FHIP2A: variants seen among roughly 807,000 people sequenced by gnomAD.
The protein encoded by FHIP2A is FHF complex subunit HOOK interacting protein 2A, also known as family with sequence similarity 160 member B1.
FHIP2A carries 46 observed loss-of-function variants against 93.5 expected under a neutral mutation model. The observed-to-expected ratio is 0.49, with a 90% CI of 0.39 to 0.63. The LOEUF is 0.63. FHIP2A is among the 20% of genes least tolerant of loss of function. The pLI is 0.00. For missense variants in FHIP2A, 769 were observed against 909.7 expected (o/e 0.85, Z 1.99); for synonymous variants, 332 against 326.5 (o/e 1.02, Z -0.18).
chr10:114,884,639 G>A (rs543870819), intron 16 of FHIP2A, among the ~76,000 whole-genome samples: 20 of 152,238 alleles, frequency 1.3e-4, no homozygotes, highest in Middle Eastern at 3.4e-3. Context: ...ATGGCCGGGC[G>A]CGGTGGCTCA....
intron 1 of FHIP2A, among the ~76,000 whole-genome samples, chr10:114,823,275 G>C (rs1375656807): frequency 6.6e-6 from 1 of 152,148 alleles, no homozygotes; most frequent in East Asian, 1.9e-4. Context: ...TCTAGGGCAA[G>C]CTCTTGGGAA....
intron 16 of FHIP2A, among the ~76,000 whole-genome samples, chr10:114,897,470 G>T (rs1293722647): frequency 6.6e-6 from 1 of 151,856 alleles, no homozygotes; most frequent in Non-Finnish European, 1.5e-5. Flanking sequence ...ACGGCACTGG[G>T]GCACAAGCAT....
At chr10:114,882,386 A>G (rs1256817570) in intron 16 of FHIP2A, among the ~76,000 whole-genome samples, 1 of 152,192 alleles carries the variant, frequency 6.6e-6, no homozygotes, top group Non-Finnish European at 1.5e-5. Context: ...ATATATCCCA[A>G]TGCTCACCTA....
chr10:114,845,903 T>A (rs74158079), intron 8 of FHIP2A, 110 bp from the exon 9 acceptor site: 11,119 of 832,426 alleles, frequency 0.013, 470 homozygotes, highest in African/African-American at 0.12. Context: ...ATTAGGCAAG[T>A]TTTGTCTTTC....
At chr10:114,856,148 G>A (rs1179532930) in intron 14 of FHIP2A, among the ~76,000 whole-genome samples, 1 of 152,174 alleles carries the variant, frequency 6.6e-6, no homozygotes, top group Non-Finnish European at 1.5e-5. Context: ...TGAGCATAGG[G>A]AGTTGTAAAA....
In FHIP2A at chr10:114,828,545, C is replaced by T. The variant is rs373996821; in HGVS notation, c.46-2307C>T. ...ATGCACTTAACTGTATAAAGGTAGTCTATAGAAGTCAGGTCCAAAAAAATT... is the reference window on the plus strand; with the variant it reads ...ATGCACTTAACTGTATAAAGGTAGTTTATAGAAGTCAGGTCCAAAAAAATT... On this transcript the variant is annotated intron_variant, in intron 1 of 16. Transcript: ENST00000369248. Among the ~76,000 whole-genome samples, 4 of 152,262 alleles carry T rather than the reference C, an allele frequency of 2.6e-5. No individual in the cohort carries two copies. In the East Asian group the frequency reaches 7.7e-4, roughly 29 times the overall value.
intron 16 of FHIP2A, among the ~76,000 whole-genome samples, chr10:114,875,795 GAAAA>G (rs1475918252): frequency 7.1e-6 from 1 of 141,226 alleles, no homozygotes; most frequent in Non-Finnish European, 1.5e-5. Flanking sequence ...GAAATAGAAA[GAAAA>G]AGAACAGAAA....
At position 114,863,253 on chromosome 10, in the gene FHIP2A, T is replaced by A; in HGVS notation, c.*1713T>A. Reference sequence around the variant, plus strand: ...TGTGAAGGCATTCAGTTTGCTGTATTTTTTTAATCACTTCATACAAGGAAA... The same window carrying A: ...TGTGAAGGCATTCAGTTTGCTGTATATTTTTAATCACTTCATACAAGGAAA... On this transcript the variant is annotated 3_prime_UTR_variant, in exon 17 of 17. Transcript: ENST00000369248. 1 of 984,034 alleles carries A rather than the reference T, an allele frequency of 1.0e-6. No homozygotes were observed. Among genetic ancestry groups the A allele is most frequent in the African/African-American group, 1.7e-5 (1 of 57,302 alleles). 61.0% of individuals were successfully genotyped at this position (984,034 alleles called of 1,614,324 possible).
Position 114,851,714 on chromosome 10 carries a change from CAA to C in FHIP2A, c.1803+2998_1803+2999del, listed in dbSNP as rs60649106. ...TTTAGGATTACTTTGTCCATTTCTG[CAA>C]AAAAAAAAAAAAAAAAAAAAGCAAT... On this transcript the variant is annotated intron_variant, in intron 13 of 16. Transcript: ENST00000369248. Among the ~76,000 whole-genome samples the C allele has an allele frequency of 2.4e-3, 196 of 81,928 alleles. 1 individual carries two copies. The highest frequency in any genetic ancestry group is 2.6e-3 in the African/African-American group (54 of 20,588). 53.7% of individuals were successfully genotyped at this position (81,928 alleles called of 152,430 possible).
At chr10:114,867,880 C>T (rs563104845), downstream of FHIP2A, among the ~76,000 whole-genome samples, 1 of 151,944 alleles carries the variant, frequency 6.6e-6, no homozygotes, top group East Asian at 1.9e-4. Flanking sequence ...GAGGTGGCTT[C>T]AAGGAATTAC....
Position 114,833,377 on chromosome 10 carries a change from CATT to C in FHIP2A, c.272_274del (p.Leu91del). 1.2e-6 allele frequency: 2 copies of C among 1,613,856 alleles called. No homozygotes were observed. Among genetic ancestry groups the C allele is most frequent in the Non-Finnish European group, 1.7e-6 (2 of 1,179,906 alleles). On this transcript the variant is annotated inframe_deletion, in exon 3 of 17. Coordinates refer to ENST00000369248, the MANE Select transcript of FHIP2A (RefSeq NM_020940.4). ...TTGCTTCATCACAAGATCTTGGAAA[CATT>C]ATATACCTTGGGGAAAGCTGATGTA...
intron 13 of FHIP2A, among the ~76,000 whole-genome samples, chr10:114,850,121 TTAG>T (rs752435149): frequency 1.3e-5 from 2 of 152,228 alleles, no homozygotes; most frequent in Admixed American, 6.5e-5. Flanking sequence ...GGGTATATGC[TTAG>T]TAGTAAAATT....
At chr10:114,829,088 G>A (rs1423695265) in intron 1 of FHIP2A, among the ~76,000 whole-genome samples, 1 of 152,120 alleles carries the variant, frequency 6.6e-6, no homozygotes, top group Non-Finnish European at 1.5e-5. Context: ...ACCTCTTTTA[G>A]GTCATCTGTT....
At chr10:114,822,492 C>T (rs999080000) in intron 1 of FHIP2A, among the ~76,000 whole-genome samples, 2 of 152,208 alleles carry the variant, frequency 1.3e-5, no homozygotes, top group Admixed American at 1.3e-4. Flanking sequence ...AGAGAGCTCC[C>T]CCGGGCTCCC....
chr10:114,844,053 T>G (rs1274633065), intron 7 of FHIP2A, 116 bp downstream of exon 7: 1 of 680,274 alleles, frequency 1.5e-6, no homozygotes, highest in Non-Finnish European at 2.3e-6. Flanking sequence ...CCACTAGTGA[T>G]CATTAAATGG....
At chr10:114,859,911 C>T (rs2083787842) in intron 14 of FHIP2A, among the ~76,000 whole-genome samples, 1 of 152,160 alleles carries the variant, frequency 6.6e-6, no homozygotes, top group Non-Finnish European at 1.5e-5. Context: ...AGTTCTATCC[C>T]CAAGTACTTT....
chr10:114,822,796 C>G (rs78396056), intron 1 of FHIP2A, among the ~76,000 whole-genome samples: 1 of 152,202 alleles, frequency 6.6e-6, no homozygotes, highest in Non-Finnish European at 1.5e-5. Flanking sequence ...CCAAGCTCAC[C>G]GAGCCCAGAG....
downstream of FHIP2A, chr10:114,864,739 T>C: frequency 7.2e-6 from 7 of 967,620 alleles, no homozygotes; most frequent in Non-Finnish European, 8.6e-6. Flanking sequence ...TTTGTAAAAT[T>C]CTAATTGGGA....
chr10:114,857,757 A>G (rs1406621374), intron 14 of FHIP2A, among the ~76,000 whole-genome samples: 1 of 152,234 alleles, frequency 6.6e-6, no homozygotes, highest in African/African-American at 2.4e-5. Flanking sequence ...CTTCATGCAT[A>G]ATTGAGAACT....
Sources: allele counts gnomAD v4.1 joint callset (sites outside exome capture counted in the v4.1 genomes callset), GRCh38; gene constraint gnomAD v4.1.1; transcripts MANE v1.5; gene names NCBI Gene and HGNC (gene_info 2026-07-23, HGNC 2026-07-21).